Variants in FUT8 observed in about 807,000 individuals in gnomAD.
FUT8 encodes fucosyltransferase 8.
Under a neutral mutation model 71.3 loss-of-function variants are expected in FUT8, and 29 were observed. The ratio of observed to expected loss-of-function variants is 0.41; its 90% CI spans 0.30 to 0.55. The LOEUF is 0.55. Among genes scored for constraint, FUT8 ranks in the 20% least tolerant of loss-of-function variants. The probability of loss-of-function intolerance (pLI) is 0.34; values close to 1 mark genes in which losing one functional copy is unlikely to be tolerated. For synonymous variants in FUT8, 254 were observed against 239.3 expected (o/e 1.06, Z -0.57); for missense variants, 544 against 702.1 (o/e 0.77, Z 2.55).
chr14:65,677,760 G>A (rs1892831342), intron 7 of FUT8, among the ~76,000 whole-genome samples: 1 of 152,132 alleles, frequency 6.6e-6, no homozygotes, highest in Non-Finnish European at 1.5e-5. Context: ...GATGCCATGG[G>A]AAATATAAAG....
chr14:65,369,001 G>A, the FUT8 span, among the ~76,000 whole-genome samples: 3 of 152,160 alleles, frequency 2.0e-5, no homozygotes, highest in Admixed American at 6.5e-5. The surrounding 1 kb of genome is among the most constrained non-coding windows in gnomAD (Gnocchi z 4.6). Context: ...AACCCAGTAT[G>A]TCCAAAATAC....
intron 7 of FUT8, among the ~76,000 whole-genome samples, chr14:65,671,595 G>A (rs1892483011): frequency 6.6e-6 from 1 of 152,094 alleles, no homozygotes; most frequent in South Asian, 2.1e-4. Flanking sequence ...GTTACTAGCA[G>A]AATAATCTAC....
intron 7 of FUT8, among the ~76,000 whole-genome samples, chr14:65,693,881 A>G (rs1203832920): frequency 2.0e-5 from 3 of 152,238 alleles, no homozygotes; most frequent in Non-Finnish European, 4.4e-5. Flanking sequence ...ATAGAGACCT[A>G]TTCAGATTAC....
chr14:65,669,465 A>T lies in FUT8; in HGVS notation c.820A>T (p.Thr274Ser). The T allele has an allele frequency of 2.5e-6, 4 of 1,611,878 alleles. No homozygotes were observed. The highest frequency in any genetic ancestry group is 3.4e-6 in the Non-Finnish European group (4 of 1,178,126). ...ETCTDRSGISTGHWSGEVKDK... is the reference protein window; with the variant it reads ...ETCTDRSGISSGHWSGEVKDK... ...ATGCACAGACAGATCTGGCATCTCC[A>T]CTGGACACTGGTCAGGTAAGGAGCT... is the stretch of plus-strand genomic sequence containing the variant. Residue 274 changes from threonine to serine, a missense_variant, in exon 7 of 11, where the codon ACT (threonine) becomes TCT (serine). Physicochemically the swap from Thr to Ser is moderately conservative, Grantham distance 58. Coordinates refer to ENST00000673929, the MANE Select transcript of FUT8 (RefSeq NM_001371533.1). The surrounding 1 kb of genome is among the most constrained non-coding windows in gnomAD (Gnocchi z 4.5).
intron 3 of FUT8, among the ~76,000 whole-genome samples, chr14:65,587,165 G>A (rs1434745952): frequency 6.6e-6 from 1 of 151,160 alleles, no homozygotes; most frequent in East Asian, 1.9e-4. Flanking sequence ...CTCCAGCCTG[G>A]GCGACAGAGC....
chr14:65,430,914 C>T (rs947248837), intron 1 of FUT8, among the ~76,000 whole-genome samples: 11 of 151,642 alleles, frequency 7.3e-5, no homozygotes, highest in African/African-American at 2.4e-4. Flanking sequence ...AGAAAATGTG[C>T]TCTAAAATAC....
intron 6 of FUT8, among the ~76,000 whole-genome samples, chr14:65,639,995 A>G (rs1566868883): frequency 6.6e-6 from 1 of 152,148 alleles, no homozygotes; most frequent in Non-Finnish European, 1.5e-5. Context: ...TTAATGTGCC[A>G]TTTAAAAAAT....
chr14:65,585,100 G>A (rs1186220659), intron 3 of FUT8, among the ~76,000 whole-genome samples: 2 of 151,990 alleles, frequency 1.3e-5, no homozygotes, highest in Non-Finnish European at 2.9e-5. Context: ...GCTCCTGCAC[G>A]CTTTCATGGG....
At chr14:65,466,068 G>A (rs2066039933) in intron 2 of FUT8, among the ~76,000 whole-genome samples, 1 of 152,164 alleles carries the variant, frequency 6.6e-6, no homozygotes, top group South Asian at 2.1e-4. Context: ...CCTTAAGCTT[G>A]CTCTTTCTGA....
At chr14:65,710,512 C>A (rs1894762007) in intron 7 of FUT8, among the ~76,000 whole-genome samples, 3 of 152,016 alleles carry the variant, frequency 2.0e-5, no homozygotes, top group African/African-American at 4.8e-5. Context: ...CAATTTTCTT[C>A]TATAAGTGTA....
intron 3 of FUT8, among the ~76,000 whole-genome samples, chr14:65,594,294 C>T (rs1321037695): frequency 6.6e-6 from 1 of 152,154 alleles, no homozygotes; most frequent in African/African-American, 2.4e-5. Flanking sequence ...CTGCCTGGCT[C>T]CACCCCTCGC....
the FUT8 span, among the ~76,000 whole-genome samples, chr14:65,393,397 G>A: frequency 2.0e-5 from 3 of 152,230 alleles, no homozygotes; most frequent in African/African-American, 7.2e-5. Context: ...AGACTAGGAG[G>A]ATGTGAGATG....
At chr14:65,636,155 C>T (rs1049250137) in intron 6 of FUT8, among the ~76,000 whole-genome samples, 2 of 151,990 alleles carry the variant, frequency 1.3e-5, no homozygotes, top group Admixed American at 6.6e-5. Context: ...CTTGAATGAT[C>T]TTTTGTATTT....
At chr14:65,674,763 G>A (rs1892631035) in intron 7 of FUT8, among the ~76,000 whole-genome samples, 1 of 152,174 alleles carries the variant, frequency 6.6e-6, no homozygotes, top group South Asian at 2.1e-4. Context: ...TAGTTATTCT[G>A]TGTAATTAGT....
chr14:65,502,231 A>ATT (rs544705480), intron 2 of FUT8, among the ~76,000 whole-genome samples: 1,437 of 142,910 alleles, frequency 0.01, 18 homozygotes, highest in African/African-American at 0.031. Flanking sequence ...ATTTATTGTT[A>ATT]TTTTTTTTTT....
chr14:65,531,127 G>T (rs977543657), intron 2 of FUT8, among the ~76,000 whole-genome samples: 46 of 151,486 alleles, frequency 3.0e-4, no homozygotes, highest in African/African-American at 1.0e-3. Flanking sequence ...GTAAATTGGT[G>T]GGAAGTAATT....
At chr14:65,694,040 T>C (rs1397592425) in intron 7 of FUT8, among the ~76,000 whole-genome samples, 1 of 68,254 alleles carries the variant, frequency 1.5e-5, no homozygotes, top group Non-Finnish European at 5.7e-5. Flanking sequence ...TTGTGGCCTG[T>C]CTTTTATTTC....
At chr14:65,479,191 T>C (rs1167737424) in intron 2 of FUT8, among the ~76,000 whole-genome samples, 1 of 152,208 alleles carries the variant, frequency 6.6e-6, no homozygotes, top group African/African-American at 2.4e-5. Flanking sequence ...TTGAAAAAAC[T>C]ACAGATGTCT....
At chr14:65,362,975 A>G in the FUT8 span, among the ~76,000 whole-genome samples, 1 of 146,824 alleles carries the variant, frequency 6.8e-6, no homozygotes, top group Non-Finnish European at 1.5e-5. Context: ...AAAAAAAAAA[A>G]AAAAAAAAGA....
Sources: allele counts gnomAD v4.1 joint callset (sites outside exome capture counted in the v4.1 genomes callset), GRCh38; gene constraint gnomAD v4.1.1; non-coding constraint Gnocchi (gnomAD v3.1); transcripts MANE v1.5; gene names NCBI Gene and HGNC (gene_info 2026-07-23, HGNC 2026-07-21).